The following YTHDF3 variants were observed in gnomAD, a reference collection of about 807,000 sequenced individuals.
YTHDF3 encodes YTH N6-methyladenosine RNA binding protein F3.
A neutral mutation model predicts 52.5 loss-of-function variants in YTHDF3; 9 were observed. The observed-to-expected ratio is 0.17, with a 90% CI of 0.10 to 0.30. The LOEUF is 0.30. YTHDF3 is among the 10% of genes least tolerant of loss of function. YTHDF3 has a pLI of 1.00. For synonymous variants in YTHDF3, 274 were observed against 243.3 expected (o/e 1.13, Z -1.18); for missense variants, 534 against 715.0 (o/e 0.75, Z 2.89).
chr8:63,187,209 G>C lies in YTHDF3; in HGVS notation c.1198G>C (p.Ala400Pro). Residue 400 changes from alanine to proline, a missense_variant, in exon 4 of 5, where the codon GCC (alanine) becomes CCC (proline). This residue lies in a region of YTHDF3 where 203 missense variants were observed against 201.3 expected (regional missense o/e 1.01). Coordinates refer to ENST00000539294, the MANE Select transcript of YTHDF3 (RefSeq NM_152758.6). ...EVHPVLEKLK[A>P]INNYNPKDFD... The stretch of plus-strand genomic sequence containing the variant: ...GCATCCCGTGCTGGAAAAGCTAAAG[G>C]CCATAAACAACTATAATCCCAAAGA... 1 of 1,613,984 alleles carries C rather than the reference G, an allele frequency of 6.2e-7. No individual in the cohort carries two copies. Among genetic ancestry groups the C allele is most frequent in the Non-Finnish European group, 8.5e-7 (1 of 1,179,886 alleles).
rs377301238 is a variant in YTHDF3, at chr8:63,210,918, G to T, written c.*1212G>T. On this transcript the variant is annotated 3_prime_UTR_variant, in exon 5 of 5. Transcript: ENST00000539294. The stretch of plus-strand genomic sequence containing the variant: ...GTATAATTAAATGTGTCAAGCATCT[G>T]TATTAATTGATTTGATGGCATAAGG... The T allele has an allele frequency of 6.6e-6, 1 of 152,628 alleles. No individual in the cohort carries two copies. Among genetic ancestry groups the T allele is most frequent in the East Asian group, 1.9e-4 (1 of 5,182 alleles). 9.5% of individuals were successfully genotyped at this position (152,628 alleles called of 1,614,324 possible).
intron 2 of YTHDF3, among the ~76,000 whole-genome samples, chr8:63,172,287 C>G (rs1563391090): frequency 1.3e-5 from 2 of 152,084 alleles, no homozygotes; most frequent in South Asian, 4.1e-4. Context: ...TTGGAAGTGT[C>G]AGATGCCATA....
At chr8:63,196,950 G>A (rs1418821872) in intron 4 of YTHDF3, among the ~76,000 whole-genome samples, 1 of 152,090 alleles carries the variant, frequency 6.6e-6, no homozygotes, top group Non-Finnish European at 1.5e-5. Flanking sequence ...TCTCAGCAGG[G>A]ACCCTATGTG....
chr8:63,172,049 C>T (rs1225006295), intron 2 of YTHDF3, among the ~76,000 whole-genome samples: 1 of 152,050 alleles, frequency 6.6e-6, no homozygotes, highest in African/African-American at 2.4e-5. Flanking sequence ...TCAAGGTTTA[C>T]TTGTTTTATA....
chr8:63,197,145 A>G (rs557400956), intron 4 of YTHDF3, among the ~76,000 whole-genome samples: 81 of 152,330 alleles, frequency 5.3e-4, no homozygotes, highest in Middle Eastern at 3.4e-3. Context: ...AGCCTTTGTC[A>G]TATTGGAAGA....
intron 3 of YTHDF3, among the ~76,000 whole-genome samples, chr8:63,181,526 G>A (rs1459615326): frequency 6.6e-6 from 1 of 151,868 alleles, no homozygotes; most frequent in Non-Finnish European, 1.5e-5. Context: ...TTTCTTTCAC[G>A]ATCTCAATTT....
chr8:63,209,458 T>C (rs1176584043), intron 4 of YTHDF3, among the ~76,000 whole-genome samples: 2 of 152,196 alleles, frequency 1.3e-5, no homozygotes, highest in East Asian at 1.9e-4. Context: ...TATACTCTCC[T>C]GAAATAGGTC....
chr8:63,194,243 G>C (rs1011867078), intron 4 of YTHDF3, among the ~76,000 whole-genome samples: 1 of 152,188 alleles, frequency 6.6e-6, no homozygotes, highest in Non-Finnish European at 1.5e-5. Context: ...CAGCATTTCG[G>C]GAGGCCGATG....
At chr8:63,169,234 G>T in intron 1 of YTHDF3, 153 bp from the exon 2 acceptor site, 1 of 1,306,438 alleles carries the variant, frequency 7.7e-7, no homozygotes, top group Non-Finnish European at 1.0e-6. Context: ...GCTGGGGGTG[G>T]TTGGGAAATT....
intron 2 of YTHDF3, chr8:63,172,846 G>C (rs551585187): frequency 8.2e-7 from 1 of 1,213,270 alleles, no homozygotes; most frequent in African/African-American, 1.6e-5. Context: ...ACAGACTATG[G>C]AACTAGCTTG....
intron 4 of YTHDF3, among the ~76,000 whole-genome samples, chr8:63,191,080 A>T (rs1417663579): frequency 6.6e-6 from 1 of 152,238 alleles, no homozygotes; most frequent in Non-Finnish European, 1.5e-5. Context: ...CTTGCTTTAC[A>T]GTTATGTGGT....
Position 63,174,691 on chromosome 8 carries a change from G to A in YTHDF3, c.50-640G>A, listed in dbSNP as rs377355432. Among the ~76,000 whole-genome samples, 67 of 152,232 alleles carry A rather than the reference G, an allele frequency of 4.4e-4. No individual in the cohort carries two copies. The East Asian group carries it at 0.011, about 25-fold the overall frequency. On this transcript the variant is annotated intron_variant, in intron 2 of 4. Transcript: ENST00000539294. ...GCAAGGATAATTATGGCTATCTTTT[G>A]TGTCTTAATTTTGTTTGTAGTTTCA...
rs567752564 is a variant in YTHDF3 at position 63,211,728 on chromosome 8, G to A, written c.*2022G>A. The A allele has an allele frequency of 6.6e-6, 1 of 152,638 alleles. No individual in the cohort carries two copies. Among genetic ancestry groups the A allele is most frequent in the African/African-American group, 2.4e-5 (1 of 41,518 alleles). 9.5% of individuals were successfully genotyped at this position (152,638 alleles called of 1,614,324 possible). On this transcript the variant is annotated 3_prime_UTR_variant, in exon 5 of 5. Transcript: ENST00000539294. ...AGAGTGTCATGGAAGCACTCAGCAA[G>A]CAGGCTGATTGCAATAGACTCAGAC...
At chr8:63,205,404 A>C (rs1809959579) in intron 4 of YTHDF3, among the ~76,000 whole-genome samples, 1 of 151,330 alleles carries the variant, frequency 6.6e-6, no homozygotes, top group Non-Finnish European at 1.5e-5. Flanking sequence ...TAATGATATC[A>C]CTGATAGCTC....
chr8:63,189,181 A>G (rs928155026), intron 4 of YTHDF3: 4 of 152,154 alleles, frequency 2.6e-5, no homozygotes, highest in Admixed American at 2.6e-4. Context: ...TCCTTGTATT[A>G]TATTGGCCAG....
chr8:63,175,571 T>C (rs1807630723), intron 3 of YTHDF3, 155 bp downstream of exon 3: 2 of 575,468 alleles, frequency 3.5e-6, no homozygotes, highest in Non-Finnish European at 6.2e-6. Context: ...CAGTTGCAGA[T>C]TTATGGCACA....
At chr8:63,172,311 G>C (rs901190474) in intron 2 of YTHDF3, among the ~76,000 whole-genome samples, 1 of 152,054 alleles carries the variant, frequency 6.6e-6, no homozygotes, top group African/African-American at 2.4e-5. Context: ...ACAGTCTTAG[G>C]CCTTACTGCC....
intron 4 of YTHDF3, among the ~76,000 whole-genome samples, chr8:63,199,750 C>T (rs930684377): frequency 2.0e-5 from 3 of 152,040 alleles, no homozygotes; most frequent in Non-Finnish European, 4.4e-5. Context: ...ACTGACTTTA[C>T]CTGTTTCTTG....
intron 3 of YTHDF3, among the ~76,000 whole-genome samples, chr8:63,181,999 C>A (rs1009392220): frequency 6.6e-6 from 1 of 152,046 alleles, no homozygotes; most frequent in Non-Finnish European, 1.5e-5. Context: ...TTAGAATGAA[C>A]ATCACTTTTG....
Sources: allele counts gnomAD v4.1 joint callset (sites outside exome capture counted in the v4.1 genomes callset), GRCh38; gene constraint gnomAD v4.1.1; regional missense constraint gnomAD v4.1.1; transcripts MANE v1.5; gene names NCBI Gene and HGNC (gene_info 2026-07-23, HGNC 2026-07-21).